Variants in IMMP2L observed in about 807,000 individuals in gnomAD.
The protein encoded by IMMP2L is inner mitochondrial membrane peptidase subunit 2.
In IMMP2L, 18 loss-of-function variants were observed where a neutral mutation model predicts 19.3. The ratio of observed to expected loss-of-function variants is 0.93; its 90% confidence interval spans 0.64 to 1.38. IMMP2L has a LOEUF of 1.38. Among genes scored for constraint, IMMP2L ranks in the 40% most tolerant of loss-of-function variants. The probability of loss-of-function intolerance (pLI) is 0.00; values close to 1 mark genes in which losing one functional copy is unlikely to be tolerated. For synonymous variants in IMMP2L, 76 were observed against 73.0 expected (o/e 1.04, Z -0.21); for missense variants, 233 against 218.2 (o/e 1.07, Z -0.43).
At chr7:111,012,381 A>T (rs1028865092) in intron 3 of IMMP2L, among the ~76,000 whole-genome samples, 2 of 152,170 alleles carry the variant, frequency 1.3e-5, no homozygotes, top group African/African-American at 4.8e-5. Context: ...ATTTCATAAT[A>T]ATGCAGCCAA....
At chr7:111,111,940 TTG>T (rs1274214334) in intron 3 of IMMP2L, among the ~76,000 whole-genome samples, 13 of 137,032 alleles carry the variant, frequency 9.5e-5, no homozygotes, top group African/African-American at 3.6e-4. Context: ...TATATATAGT[TTG>T]TTTTTTTTTT....
intron 3 of IMMP2L, among the ~76,000 whole-genome samples, chr7:111,452,754 A>G (rs962452794): frequency 1.3e-5 from 2 of 152,166 alleles, no homozygotes; most frequent in Non-Finnish European, 2.9e-5. Flanking sequence ...CTCCAATTCA[A>G]AAGCAAATTA....
chr7:111,131,939 C>G (rs932193240), intron 3 of IMMP2L, among the ~76,000 whole-genome samples: 28 of 151,792 alleles, frequency 1.8e-4, no homozygotes, highest in African/African-American at 6.8e-4. Flanking sequence ...TATAAGCATG[C>G]CATAACTCAC....
chr7:111,517,686 T>C (rs900435083), intron 2 of IMMP2L, among the ~76,000 whole-genome samples: 1 of 152,144 alleles, frequency 6.6e-6, no homozygotes, highest in African/African-American at 2.4e-5. Context: ...AATAATTACA[T>C]TCCACCTACA....
intron 3 of IMMP2L, among the ~76,000 whole-genome samples, chr7:111,272,278 G>A (rs930311492): frequency 2.0e-5 from 3 of 152,050 alleles, no homozygotes; most frequent in African/African-American, 7.2e-5. Flanking sequence ...CAGGGCTTTT[G>A]CTCATGCTAA....
intron 3 of IMMP2L, among the ~76,000 whole-genome samples, chr7:111,344,295 C>T (rs1434101981): frequency 1.3e-5 from 2 of 152,152 alleles, no homozygotes; most frequent in African/African-American, 4.8e-5. Flanking sequence ...AAGTTTTTTC[C>T]ACCTCAGAAC....
At chr7:111,373,481 G>T (rs1464643723) in intron 3 of IMMP2L, among the ~76,000 whole-genome samples, 1 of 152,062 alleles carries the variant, frequency 6.6e-6, no homozygotes, top group Admixed American at 6.6e-5. Flanking sequence ...TGGAAAAGAG[G>T]CCATGCAGTT....
At chr7:110,914,806 T>C (rs552492323) in intron 4 of IMMP2L, among the ~76,000 whole-genome samples, 5 of 152,138 alleles carry the variant, frequency 3.3e-5, no homozygotes, top group Non-Finnish European at 5.9e-5. Context: ...TTATAATACA[T>C]ATATTCCATG....
chr7:110,669,270 G>A (rs1791723077), intron 5 of IMMP2L, among the ~76,000 whole-genome samples: 1 of 152,104 alleles, frequency 6.6e-6, no homozygotes, highest in South Asian at 2.1e-4. Flanking sequence ...GACTGCTGGT[G>A]AACCAGGAAG....
chr7:111,453,179 A>G (rs1317501711), intron 3 of IMMP2L, among the ~76,000 whole-genome samples: 2 of 152,162 alleles, frequency 1.3e-5, no homozygotes, highest in Non-Finnish European at 2.9e-5. Context: ...CCTTCATTGA[A>G]ACCCAGATAA....
chr7:110,886,778 A>G, intron 4 of IMMP2L, 83 bp from the exon 5 acceptor site: 3 of 673,228 alleles, frequency 4.5e-6, no homozygotes, highest in Middle Eastern at 2.5e-4. Flanking sequence ...AATGGTGAAA[A>G]TATTATATAG....
intron 3 of IMMP2L, among the ~76,000 whole-genome samples, chr7:111,106,714 A>C (rs945887098): frequency 6.8e-6 from 1 of 147,886 alleles, no homozygotes; most frequent in African/African-American, 2.5e-5. Context: ...GGATGCACAT[A>C]AAAACTGCCC....
At chr7:110,719,309 G>A (rs1584603185) in intron 5 of IMMP2L, among the ~76,000 whole-genome samples, 1 of 152,176 alleles carries the variant, frequency 6.6e-6, no homozygotes, top group East Asian at 1.9e-4. Context: ...CAAACATGAA[G>A]GTAAAATTTA....
chr7:110,984,117 G>A (rs1049119055), intron 3 of IMMP2L, among the ~76,000 whole-genome samples: 4 of 151,876 alleles, frequency 2.6e-5, no homozygotes, highest in East Asian at 1.9e-4. Context: ...ACTGTTTAAC[G>A]GAGAACATGT....
chr7:110,861,999 T>G (rs2129542866), intron 5 of IMMP2L, among the ~76,000 whole-genome samples: 1 of 152,182 alleles, frequency 6.6e-6, no homozygotes, highest in Admixed American at 6.5e-5. Context: ...ATTTATAAAA[T>G]ATATATTTTA....
At chr7:111,288,584 A>G (rs78979214) in intron 3 of IMMP2L, among the ~76,000 whole-genome samples, 1 of 152,166 alleles carries the variant, frequency 6.6e-6, no homozygotes, top group African/African-American at 2.4e-5. Flanking sequence ...ACCAGAAAAA[A>G]CAACCCCATC....
intron 4 of IMMP2L, among the ~76,000 whole-genome samples, chr7:110,944,050 T>G (rs1459658479): frequency 6.6e-6 from 1 of 150,818 alleles, no homozygotes; most frequent in Non-Finnish European, 1.5e-5. Context: ...AGAGTGATAC[T>G]CAGGATTGAA....
chr7:110,838,179 C>T (rs1333551292), intron 5 of IMMP2L, among the ~76,000 whole-genome samples: 2 of 151,946 alleles, frequency 1.3e-5, no homozygotes, highest in Admixed American at 1.3e-4. Flanking sequence ...ATCCTATATT[C>T]CTGAAGAATT....
intron 3 of IMMP2L, among the ~76,000 whole-genome samples, chr7:111,231,427 C>A (rs1813704528): frequency 6.6e-6 from 1 of 151,982 alleles, no homozygotes; most frequent in Non-Finnish European, 1.5e-5. Context: ...TTTACCTAGA[C>A]TTTCTCCCAA....
Sources: gnomAD v4.1 joint callset for allele counts (sites outside exome capture counted in the v4.1 genomes callset) on GRCh38, gnomAD v4.1.1 for gene constraint, MANE v1.5 for transcripts, NCBI Gene and HGNC (gene_info 2026-07-23, HGNC 2026-07-21) for gene names.